MDM1: variants seen among roughly 807,000 people sequenced by gnomAD.
The protein encoded by MDM1 is stabilizer of axonemal microtubules 6, also known as Mdm1 nuclear protein.
MDM1 carries 61 observed loss-of-function variants against 89.1 expected under a neutral mutation model. That is an observed-to-expected ratio of 0.68 (90% CI 0.56 to 0.85). The LOEUF is 0.85. Among genes scored for constraint, MDM1 ranks in the 40% least tolerant of loss-of-function variants. MDM1 has a pLI of 0.00. For missense variants in MDM1, 820 were observed against 846.5 expected, an observed-to-expected ratio of 0.97 and a Z score of 0.39; for synonymous variants, 290 against 294.1, an observed-to-expected ratio of 0.99 and a Z score of 0.14.
intron 12 of MDM1, among the ~76,000 whole-genome samples, chr12:68,311,887 T>C (rs114729764): frequency 0.01 from 1,596 of 152,306 alleles, 26 homozygotes; most frequent in African/African-American, 0.036. Context: ...CTGCCCTTTA[T>C]CAAGGTCACC....
At position 68,298,051 on chromosome 12, in the gene MDM1, C is replaced by G. The variant is rs189425903; in HGVS notation, c.2003-1069G>C. Among the ~76,000 whole-genome samples the G allele has an allele frequency of 9.2e-5, 14 of 152,184 alleles. No individual in the cohort carries two copies. The East Asian group carries it at 2.7e-3, about 29-fold the overall frequency. On this transcript the variant is annotated intron_variant, in intron 13 of 14. Transcript: ENST00000682720. ...GCCAGAATACCTCCCCTGGGCAACA[C>G]AGGGAAAGCTCAATTACCACTGCTA...
intron 12 of MDM1, among the ~76,000 whole-genome samples, chr12:68,304,914 A>T (rs1051414595): frequency 1.3e-5 from 2 of 152,222 alleles, no homozygotes; most frequent in African/African-American, 4.8e-5. Flanking sequence ...CCAAGAGAAT[A>T]AACCCCACTT....
chr12:68,315,054 C>T lies in MDM1; in HGVS notation c.1423G>A (p.Asp475Asn), dbSNP rs1228408527. The T allele has an allele frequency of 7.4e-6, 12 of 1,614,112 alleles. No homozygotes were observed. Among genetic ancestry groups the T allele is most frequent in the East Asian group, 2.2e-5 (1 of 44,886 alleles). ...TTCCTGTCCCCTTCCTCTTCATTGT[C>T]GTCCTCCTCCTCTTTCTCCCCGGGC... Reference protein sequence around the residue: ...KQPGEKEEEDDNEEEGDRKTG... With the variant: ...KQPGEKEEEDNNEEEGDRKTG... Residue 475 changes from aspartate to asparagine, a missense_variant, in exon 10 of 15, where the codon GAC becomes AAC. Transcript: ENST00000682720.
At chr12:68,318,470 C>T (rs935858863) in intron 7 of MDM1, among the ~76,000 whole-genome samples, 2 of 152,132 alleles carry the variant, frequency 1.3e-5, no homozygotes, top group African/African-American at 4.8e-5. Flanking sequence ...TTGTTACTGA[C>T]ATTTAAAACT....
intron 4 of MDM1, 104 bp from the exon 5 acceptor site, chr12:68,323,344 A>G: frequency 1.3e-6 from 1 of 765,506 alleles, no homozygotes; most frequent in South Asian, 2.1e-5. Flanking sequence ...GGACAAAAAA[A>G]TAGCAAAGTT....
intron 10 of MDM1, 41 bp downstream of exon 10, chr12:68,314,907 T>TC (rs1874244651): frequency 2.0e-6 from 3 of 1,491,184 alleles, no homozygotes; most frequent in Admixed American, 1.8e-5. Flanking sequence ...ATCAACCATG[T>TC]AAATAACGCT....
intron 13 of MDM1, among the ~76,000 whole-genome samples, chr12:68,301,848 A>AT (rs1480137199): frequency 6.6e-6 from 1 of 151,946 alleles, no homozygotes. Flanking sequence ...CACCCAGCTA[A>AT]TTTTTTTGTA....
In MDM1 at chr12:68,295,335, G is replaced by A. The variant is rs372825087; in HGVS notation, c.2094C>T (p.Arg698=). 4 of 1,612,912 alleles carry A rather than the reference G, an allele frequency of 2.5e-6. No individual in the cohort carries two copies. The African/African-American group carries it at 5.3e-5, about 22-fold the overall frequency. The part of the protein sequence containing the change: ...DEDRLSEISA[R]SAASSLRAFQ... Reference sequence around the variant, plus strand: ...AAGCCCGGAGACTAGAAGCTGCAGAGCGAGCAGAAATCTCAGACAATCTGT... The same window carrying A: ...AAGCCCGGAGACTAGAAGCTGCAGAACGAGCAGAAATCTCAGACAATCTGT... Residue 698 remains arginine (R), a synonymous_variant, in exon 15 of 15, where the codon CGC becomes CGT. Coordinates refer to ENST00000682720, the MANE Select transcript of MDM1 (RefSeq NM_001354969.2).
At chr12:68,307,893 G>C (rs1008772144) in intron 12 of MDM1, among the ~76,000 whole-genome samples, 1 of 143,608 alleles carries the variant, frequency 7.0e-6, no homozygotes, top group African/African-American at 2.6e-5. Flanking sequence ...AGCCAAGATC[G>C]CACCACTATA....
chr12:68,305,130 T>C (rs774361305), intron 12 of MDM1, among the ~76,000 whole-genome samples: 11 of 152,154 alleles, frequency 7.2e-5, no homozygotes, highest in Non-Finnish European at 1.0e-4. Flanking sequence ...TTTTGGGGAA[T>C]AGTTTTAGCA....
At chr12:68,322,344 A>C (rs1875335814) in intron 5 of MDM1, among the ~76,000 whole-genome samples, 1 of 152,238 alleles carries the variant, frequency 6.6e-6, no homozygotes, top group Non-Finnish European at 1.5e-5. Context: ...TTTAAAATAC[A>C]TGTGATGGCC....
intron 2 of MDM1, chr12:68,327,238 C>T (rs1876135987): frequency 1.4e-6 from 2 of 1,402,868 alleles, no homozygotes; most frequent in African/African-American, 2.9e-5. Flanking sequence ...AAAAATTTGA[C>T]CATAACAAAA....
rs766565600 is a variant in MDM1 at position 68,315,173 on chromosome 12, G to A, written c.1304C>T (p.Thr435Ile). The A allele has an allele frequency of 4.3e-6, 7 of 1,614,018 alleles. No homozygotes were observed. The East Asian group carries it at 1.3e-4, about 31-fold the overall frequency. The change falls in exon 10 of 15, where the codon ACC becomes ATC. Residue 435 changes from threonine (T) to isoleucine (I), a missense_variant. Thr to Ile is a moderately conservative substitution (Grantham distance 89). Transcript: ENST00000682720. ...NIVEEQPQKN[T>I]TEKLGVSAPT... ...AGCTGACACACCCAATTTCTCCGTGGTATTTTTCTGGGGCTGTTCTTCCAC... is the reference window on the plus strand; with the variant it reads ...AGCTGACACACCCAATTTCTCCGTGATATTTTTCTGGGGCTGTTCTTCCAC...
intron 12 of MDM1, among the ~76,000 whole-genome samples, chr12:68,305,828 G>A (rs1030521825): frequency 2.0e-5 from 3 of 149,488 alleles, no homozygotes; most frequent in African/African-American, 7.4e-5. Flanking sequence ...ACTGTCTAAA[G>A]TAACTTACAG....
At chr12:68,323,787 G>A (rs545734283) in intron 4 of MDM1, among the ~76,000 whole-genome samples, 7 of 152,190 alleles carry the variant, frequency 4.6e-5, no homozygotes, top group African/African-American at 1.7e-4. Flanking sequence ...CTGATTACAA[G>A]GAAAGCAAAT....
At chr12:68,295,521 A>G (rs750816069) in intron 14 of MDM1, among the ~76,000 whole-genome samples, 155 bp from the exon 15 acceptor site, 14 of 152,252 alleles carry the variant, frequency 9.2e-5, no homozygotes, top group Non-Finnish European at 1.6e-4. Context: ...GTAAGATACT[A>G]ACACTCTCAT....
At chr12:68,324,118 A>G (rs565887964) in intron 4 of MDM1, among the ~76,000 whole-genome samples, 1 of 152,290 alleles carries the variant, frequency 6.6e-6, no homozygotes, top group Non-Finnish European at 1.5e-5. Context: ...CTTCTAAAAA[A>G]AGTATGTGAA....
intron 10 of MDM1, 81 bp downstream of exon 10, chr12:68,314,867 T>C: frequency 2.5e-6 from 3 of 1,200,994 alleles, no homozygotes; most frequent in Non-Finnish European, 3.5e-6. Flanking sequence ...ATCAAAAGAG[T>C]AAACCACTAT....
Position 68,316,594 on chromosome 12 carries a change from A to G in MDM1, c.1022T>C (p.Met341Thr). The G allele has an allele frequency of 3.3e-6, 5 of 1,535,156 alleles. No individual in the cohort carries two copies. The highest frequency in any genetic ancestry group is 4.4e-6 in the Non-Finnish European group (5 of 1,146,078). ...NMPNQGSLNA[M>T]WYAEVKELRE... ...AAAGCAACCAACCTCAGCATACCAC[A>G]TGGCATTTAGAGAACCCTAGAGAAG... The change falls in exon 8 of 15, where the codon ATG (methionine) becomes ACG (threonine). Residue 341 changes from methionine (M) to threonine (T), a missense_variant. By Grantham distance (81) the Met-to-Thr change is moderately conservative (BLOSUM62 -1). Coordinates refer to ENST00000682720, the MANE Select transcript of MDM1 (RefSeq NM_001354969.2).
Sources: gnomAD v4.1 joint callset for allele counts (sites outside exome capture counted in the v4.1 genomes callset) on GRCh38, gnomAD v4.1.1 for gene constraint, MANE v1.5 for transcripts, NCBI Gene and HGNC (gene_info 2026-07-23, HGNC 2026-07-21) for gene names.